Variants in MIR2052HG observed in about 807,000 individuals in gnomAD.
MIR2052HG encodes the protein MIR2052 host gene.
At chr8:74,682,558 T>C (rs1446554937) in intron 2 of MIR2052HG, among the ~76,000 whole-genome samples, 2 of 152,102 alleles carry the variant, frequency 1.3e-5, no homozygotes, top group Non-Finnish European at 2.9e-5. Context: ...TGTGAAAAGA[T>C]GCTGGATCTT....
intron 2 of MIR2052HG, among the ~76,000 whole-genome samples, chr8:74,614,529 T>TATTA (rs1470757891): frequency 1.3e-5 from 2 of 152,156 alleles, no homozygotes; most frequent in Non-Finnish European, 2.9e-5. Context: ...TTCATATGCT[T>TATTA]ATTAAATTCT....
intron 1 of MIR2052HG, among the ~76,000 whole-genome samples, chr8:74,601,389 T>A (rs1807998722): frequency 6.6e-6 from 1 of 152,192 alleles, no homozygotes. Context: ...GGGTAGGCTG[T>A]GAGTGGCATA....
chr8:74,711,207 C>T (rs903340329), intron 4 of MIR2052HG, among the ~76,000 whole-genome samples: 5 of 152,218 alleles, frequency 3.3e-5, no homozygotes. Context: ...AGCTGTCACA[C>T]ATTCTCCTGG....
At chr8:74,624,101 T>C (rs931461946) in intron 2 of MIR2052HG, among the ~76,000 whole-genome samples, 8 of 152,202 alleles carry the variant, frequency 5.3e-5, no homozygotes, top group African/African-American at 1.9e-4. Context: ...AGAACTAATA[T>C]ATGTTTTAGT....
chr8:74,615,482 A>G (rs972126436), intron 2 of MIR2052HG, among the ~76,000 whole-genome samples: 1 of 152,150 alleles, frequency 6.6e-6, no homozygotes, highest in Non-Finnish European at 1.5e-5. Flanking sequence ...GTGTTCTTTC[A>G]TCTCACTTTA....
intron 2 of MIR2052HG, among the ~76,000 whole-genome samples, chr8:74,679,176 A>G (rs1182901512): frequency 6.6e-6 from 1 of 151,950 alleles, no homozygotes; most frequent in Non-Finnish European, 1.5e-5. Flanking sequence ...GGTTTCCGAG[A>G]TTTTTGTGCA....
At chr8:74,616,010 C>T (rs1808277079) in intron 2 of MIR2052HG, among the ~76,000 whole-genome samples, 1 of 152,124 alleles carries the variant, frequency 6.6e-6, no homozygotes, top group Non-Finnish European at 1.5e-5. Context: ...TCCAGTCTAT[C>T]ATTGATGGAC....
intron 2 of MIR2052HG, among the ~76,000 whole-genome samples, chr8:74,675,139 G>A (rs937304253): frequency 1.3e-5 from 2 of 151,884 alleles, no homozygotes; most frequent in African/African-American, 4.8e-5. Flanking sequence ...GAAAATCATT[G>A]CCCTCAAAGG....
intron 2 of MIR2052HG, among the ~76,000 whole-genome samples, chr8:74,662,182 A>G (rs1228977642): frequency 6.6e-6 from 1 of 152,154 alleles, no homozygotes; most frequent in Admixed American, 6.5e-5. Flanking sequence ...CTAGATTATA[A>G]TATCAAAGGC....
At chr8:74,737,125 T>C (rs923016251) in intron 4 of MIR2052HG, among the ~76,000 whole-genome samples, 2 of 152,196 alleles carry the variant, frequency 1.3e-5, no homozygotes, top group East Asian at 1.9e-4. Context: ...TTCATTTGCA[T>C]AGAAGTATAA....
At chr8:74,665,486 C>A (rs192250765) in intron 2 of MIR2052HG, among the ~76,000 whole-genome samples, 5 of 152,254 alleles carry the variant, frequency 3.3e-5, no homozygotes, top group Admixed American at 6.5e-5. Context: ...AATGACCTCC[C>A]CAAAATGCTG....
intron 4 of MIR2052HG, among the ~76,000 whole-genome samples, chr8:74,735,529 C>T (rs559898231): frequency 9.2e-5 from 14 of 152,320 alleles, no homozygotes; most frequent in South Asian, 2.1e-4. Context: ...CACACTCTTT[C>T]TGTTGGCACC....
At chr8:74,715,717 G>T (rs1210141729) in intron 4 of MIR2052HG, among the ~76,000 whole-genome samples, 1 of 152,142 alleles carries the variant, frequency 6.6e-6, no homozygotes, top group African/African-American at 2.4e-5. Context: ...GATATTGCTT[G>T]CCAGGAACAA....
chr8:74,734,037 G>A (rs1386431291), intron 4 of MIR2052HG, among the ~76,000 whole-genome samples: 1 of 152,204 alleles, frequency 6.6e-6, no homozygotes, highest in Non-Finnish European at 1.5e-5. Flanking sequence ...TACCATCAGA[G>A]TGAACAGACA....
intron 2 of MIR2052HG, among the ~76,000 whole-genome samples, chr8:74,669,019 C>A (rs1420816641): frequency 6.6e-6 from 1 of 152,150 alleles, no homozygotes; most frequent in Non-Finnish European, 1.5e-5. Flanking sequence ...TCCTGATGAA[C>A]CCAACTAGCT....
At chr8:74,674,177 C>T (rs1318026178) in intron 2 of MIR2052HG, among the ~76,000 whole-genome samples, 1 of 148,952 alleles carries the variant, frequency 6.7e-6, no homozygotes, top group African/African-American at 2.5e-5. Context: ...TATCATTTAT[C>T]TAGACAGAGC....
intron 4 of MIR2052HG, among the ~76,000 whole-genome samples, chr8:74,715,204 A>G (rs921601900): frequency 1.3e-5 from 2 of 152,194 alleles, no homozygotes; most frequent in African/African-American, 4.8e-5. Flanking sequence ...GATGACTAAA[A>G]CTGATAACTA....
chr8:74,703,618 A>T (rs1185632365), exon 4 of MIR2052HG: 5 of 452,772 alleles, frequency 1.1e-5, no homozygotes, highest in Non-Finnish European at 2.2e-5. Flanking sequence ...TGCTTATTGA[A>T]TATTACTGGG....
At chr8:74,713,817 T>C (rs1809494215) in intron 4 of MIR2052HG, among the ~76,000 whole-genome samples, 1 of 152,184 alleles carries the variant, frequency 6.6e-6, no homozygotes, top group African/African-American at 2.4e-5. Context: ...ATGATTCTTA[T>C]ATGAACACAC....
Sources: gnomAD v4.1 joint callset for allele counts (sites outside exome capture counted in the v4.1 genomes callset) on GRCh38, gnomAD v4.1.1 for gene constraint, MANE v1.5 for transcripts, NCBI Gene and HGNC (gene_info 2026-07-23, HGNC 2026-07-21) for gene names.